TENM2: variants seen among roughly 807,000 people sequenced by gnomAD.
The protein encoded by TENM2 is teneurin-2.
A neutral mutation model predicts 245.2 loss-of-function variants in TENM2; 52 were observed. The observed-to-expected ratio is 0.21, with a 90% CI of 0.17 to 0.27. The LOEUF (loss-of-function observed/expected upper bound fraction) is 0.27, where lower values mean the gene tolerates loss of function less well. TENM2 is among the 10% of genes least tolerant of loss of function. TENM2 has a pLI of 1.00. For missense variants in TENM2, 3,046 were observed against 3,666.8 expected, an observed-to-expected ratio of 0.83 and a Z score of 4.37; for synonymous variants, 1,363 against 1,438.9, an observed-to-expected ratio of 0.95 and a Z score of 1.19.
intron 3 of TENM2, among the ~76,000 whole-genome samples, chr5:167,941,977 G>A (rs1779219966): frequency 6.6e-6 from 1 of 152,190 alleles, no homozygotes. Context: ...GGAGGTCAAG[G>A]CAAAAGGATC....
intron 2 of TENM2, among the ~76,000 whole-genome samples, chr5:167,800,965 T>G (rs1765666656): frequency 6.6e-6 from 1 of 151,738 alleles, no homozygotes; most frequent in Non-Finnish European, 1.5e-5. Flanking sequence ...TAGACTTCAC[T>G]TCTATGTTTC....
the TENM2 span, among the ~76,000 whole-genome samples, chr5:167,273,694 C>G: frequency 6.6e-6 from 1 of 152,128 alleles, no homozygotes; most frequent in African/African-American, 2.4e-5. Flanking sequence ...CCAAAACTCA[C>G]AAATATAAAG....
In TENM2 at chr5:168,244,743, A is replaced by C; in HGVS notation, c.5817+27A>C. ...TAGGTGAACATGCTGCCCTGACAGC[A>C]AGGGCTTTCTGTTATTTCTGTTATT... On this transcript the variant is annotated intron_variant, in intron 26 of 28. Coordinates refer to ENST00000518659, the Ensembl canonical transcript of TENM2. This position sits in a 1 kb window ranked among gnomAD's most constrained non-coding sequence, Gnocchi z 4.9. 7.2e-7 allele frequency: 1 copy of C among 1,392,950 alleles called. No homozygotes were observed. Among genetic ancestry groups the C allele is most frequent in the Non-Finnish European group, 9.4e-7 (1 of 1,062,616 alleles). The allele number at this position is 1,392,950 out of a possible 1,614,324, so 86.3% of individuals were successfully genotyped here.
Position 167,970,183 on chromosome 5 carries a change from A to G in TENM2, c.947+17361A>G, listed in dbSNP as rs527768748. On this transcript the variant is annotated intron_variant, in intron 4 of 28. Coordinates refer to ENST00000518659, the Ensembl canonical transcript of TENM2. ...GGGGTTTACAGCTGATTCCAATAAG[A>G]AGTCGAAAAAATTAAGTTTCACTGA... Among the ~76,000 whole-genome samples the G allele has an allele frequency of 5.3e-5, 8 of 152,308 alleles. No homozygotes were observed. In the South Asian group the frequency reaches 1.5e-3, roughly 28 times the overall value.
chr5:167,172,318 A>G, the TENM2 span, among the ~76,000 whole-genome samples: 4 of 152,208 alleles, frequency 2.6e-5, no homozygotes, highest in Non-Finnish European at 5.9e-5. Flanking sequence ...CGTGTGATCT[A>G]TTCATAGGCA....
At chr5:167,144,350 A>AGCTGTTATATCACTTCTAATTAAGCGG in the TENM2 span, among the ~76,000 whole-genome samples, 1 of 152,182 alleles carries the variant, frequency 6.6e-6, no homozygotes, top group African/African-American at 2.4e-5. Context: ...TGCACACTCT[A>AGCTGTTATATCACTTCTAATTAAGCGG]GCTGTTATAT....
chr5:167,174,737 A>G, the TENM2 span, among the ~76,000 whole-genome samples: 1 of 152,132 alleles, frequency 6.6e-6, no homozygotes, highest in Non-Finnish European at 1.5e-5. Context: ...AATAATAGTC[A>G]ACACGCTGTA....
chr5:167,863,692 T>A (rs1262403103), intron 2 of TENM2, among the ~76,000 whole-genome samples: 1 of 152,098 alleles, frequency 6.6e-6, no homozygotes, highest in Non-Finnish European at 1.5e-5. Context: ...TATGTCATAG[T>A]ACAATAAGAT....
chr5:167,488,865 A>G (rs1768251362), intron 2 of TENM2, among the ~76,000 whole-genome samples: 1 of 152,190 alleles, frequency 6.6e-6, no homozygotes, highest in African/African-American at 2.4e-5. Flanking sequence ...GGTCCTAGCT[A>G]TAGCCTTCCC....
At chr5:167,293,777 A>AT (rs1001291107) in intron 1 of TENM2, among the ~76,000 whole-genome samples, 6 of 151,928 alleles carry the variant, frequency 3.9e-5, no homozygotes, top group Middle Eastern at 3.4e-3. Flanking sequence ...AAAAATTTGG[A>AT]TTTTTTTTTA....
chr5:167,628,075 A>G (rs1778628677), intron 2 of TENM2, among the ~76,000 whole-genome samples: 1 of 152,158 alleles, frequency 6.6e-6, no homozygotes. Flanking sequence ...CATCAGAAGG[A>G]GTTTAACACC....
intron 28 of TENM2, 92 bp from the exon 31 acceptor site, chr5:168,261,957 C>A: frequency 7.9e-7 from 1 of 1,273,092 alleles, no homozygotes; most frequent in South Asian, 1.4e-5. Context: ...CTAGTTCTTG[C>A]AGGAGAGTTC....
At chr5:167,377,330 C>A (rs993121687) in intron 2 of TENM2, among the ~76,000 whole-genome samples, 1 of 152,000 alleles carries the variant, frequency 6.6e-6, no homozygotes, top group Non-Finnish European at 1.5e-5. Context: ...TGATTCTTTC[C>A]TACAGTACTA....
intron 2 of TENM2, among the ~76,000 whole-genome samples, chr5:167,842,529 C>T (rs1769627438): frequency 7.8e-6 from 1 of 128,962 alleles, no homozygotes; most frequent in African/African-American, 3.0e-5. Context: ...GTGGAGGATG[C>T]AGTCAGCCGA....
chr5:167,269,773 C>A, the TENM2 span, among the ~76,000 whole-genome samples: 1 of 152,142 alleles, frequency 6.6e-6, no homozygotes, highest in Non-Finnish European at 1.5e-5. Flanking sequence ...ATCTGTAAAT[C>A]CTTCTGGTTT....
the TENM2 span, among the ~76,000 whole-genome samples, chr5:167,152,676 G>A: frequency 6.6e-6 from 1 of 152,140 alleles, no homozygotes; most frequent in Non-Finnish European, 1.5e-5. Context: ...CCTTGAAAGT[G>A]TTGAAAGTGG....
chr5:167,760,807 C>T (rs1248209217), intron 2 of TENM2, among the ~76,000 whole-genome samples: 3 of 152,142 alleles, frequency 2.0e-5, no homozygotes, highest in East Asian at 1.9e-4. Context: ...GCGCGTGCCA[C>T]GATGCCTGGC....
intron 4 of TENM2, among the ~76,000 whole-genome samples, chr5:167,989,914 T>G (rs1210620197): frequency 6.6e-6 from 1 of 152,106 alleles, no homozygotes; most frequent in Non-Finnish European, 1.5e-5. Context: ...CAACGGGATG[T>G]GGGTCAGGAG....
chr5:168,039,192 CATA>C (rs1193261029), intron 5 of TENM2, among the ~76,000 whole-genome samples: 3 of 152,208 alleles, frequency 2.0e-5, no homozygotes, highest in Non-Finnish European at 4.4e-5. Context: ...CTAAAACATT[CATA>C]ATGTCTGCTT....
Sources: gnomAD v4.1 joint callset for allele counts (sites outside exome capture counted in the v4.1 genomes callset) on GRCh38, gnomAD v4.1.1 for gene constraint, Gnocchi (gnomAD v3.1) non-coding constraint, MANE v1.5 for transcripts, NCBI Gene and HGNC (gene_info 2026-07-23, HGNC 2026-07-21) for gene names.